The following RBFOX1 variants were observed in gnomAD, a reference collection of about 807,000 sequenced individuals.
RBFOX1 encodes RNA binding fox-1 homolog 1, also known as RNA binding protein fox-1 homolog 1.
Under a neutral mutation model 57.7 loss-of-function variants are expected in RBFOX1, and 8 were observed. The ratio of observed to expected loss-of-function variants is 0.14; its 90% confidence interval spans 0.08 to 0.25. The LOEUF (loss-of-function observed/expected upper bound fraction) is 0.25, where lower values mean the gene tolerates loss of function less well. RBFOX1 is among the 10% of genes least tolerant of loss of function. The pLI is 1.00. For missense variants in RBFOX1, 611 were observed against 548.5 expected, an observed-to-expected ratio of 1.11 and a Z score of -1.14; for synonymous variants, 326 against 222.4, an observed-to-expected ratio of 1.47 and a Z score of -4.15.
chr16:7,291,120 G>C (rs2095763023), intron 4 of RBFOX1, among the ~76,000 whole-genome samples: 1 of 152,168 alleles, frequency 6.6e-6, no homozygotes, highest in African/African-American at 2.4e-5. Context: ...ATAGCCCTAG[G>C]TTCAAGGTGA....
chr16:6,375,239 C>T (rs1453568263), intron 2 of RBFOX1, among the ~76,000 whole-genome samples: 1 of 152,008 alleles, frequency 6.6e-6, no homozygotes, highest in Non-Finnish European at 1.5e-5. Context: ...GGGAATTCTC[C>T]ATGTCATTCT....
At chr16:6,477,972 C>A (rs184226289) in intron 2 of RBFOX1, among the ~76,000 whole-genome samples, 9 of 152,128 alleles carry the variant, frequency 5.9e-5, no homozygotes, top group Admixed American at 3.3e-4. Flanking sequence ...GTCAGTTTTC[C>A]CACCTCTCTC....
intron 3 of RBFOX1, among the ~76,000 whole-genome samples, chr16:5,855,171 T>C (rs2056994029): frequency 6.6e-6 from 1 of 152,230 alleles, no homozygotes; most frequent in South Asian, 2.1e-4. Context: ...TCCCACTCCG[T>C]AGGTTGCTAT....
intron 2 of RBFOX1, among the ~76,000 whole-genome samples, chr16:6,424,274 C>A (rs558705084): frequency 3.0e-4 from 45 of 152,224 alleles, no homozygotes; most frequent in African/African-American, 1.1e-3. Context: ...CAAACAACAA[C>A]AACAACAGAA....
At chr16:5,739,648 C>A (rs58188995) in intron 3 of RBFOX1, among the ~76,000 whole-genome samples, 24,460 of 152,192 alleles carry the variant, frequency 0.16, 2,227 homozygotes, top group African/African-American at 0.24. Context: ...AAAAAACTTA[C>A]GCTTTGGCAT....
intron 4 of RBFOX1, among the ~76,000 whole-genome samples, chr16:7,505,337 A>C (rs1440828818): frequency 6.6e-6 from 1 of 152,024 alleles, no homozygotes; most frequent in East Asian, 1.9e-4. Context: ...ATATAATGTC[A>C]TACTTTGACA....
chr16:7,562,840 G>C (rs758493683), intron 5 of RBFOX1, among the ~76,000 whole-genome samples: 5 of 152,196 alleles, frequency 3.3e-5, no homozygotes, highest in Non-Finnish European at 5.9e-5. Context: ...GCCCACTGTA[G>C]GTATACTGGA....
intron 4 of RBFOX1, among the ~76,000 whole-genome samples, chr16:7,263,681 A>C (rs2095015527): frequency 6.6e-6 from 1 of 152,070 alleles, no homozygotes; most frequent in African/African-American, 2.4e-5. Context: ...GGATTACATG[A>C]GGTCAGGAGT....
At position 6,375,297 on chromosome 16, in the gene RBFOX1, C is replaced by A. The variant is rs373010398; in HGVS notation, c.-64+58240C>A. 9.6e-3 allele frequency among the ~76,000 whole-genome samples: 1,320 copies of A among 137,336 alleles called. 16 individuals carry two copies. Among genetic ancestry groups the A allele is most frequent in the African/African-American group, 0.045 (1,249 of 27,950 alleles). The allele number at this position is 137,336 out of a possible 152,430, so 90.1% of individuals were successfully genotyped here. ...GTTTTGCCAGAGTGGGGAAAAAAAA[C>A]AAAAACAAAAACAAAAACCACCTTC... On this transcript the variant is annotated intron_variant, in intron 2 of 15. Coordinates refer to ENST00000550418, the MANE Select transcript of RBFOX1 (RefSeq NM_018723.4).
chr16:5,480,182 G>C (rs1293335117), intron 2 of RBFOX1, among the ~76,000 whole-genome samples: 1 of 152,158 alleles, frequency 6.6e-6, no homozygotes, highest in Non-Finnish European at 1.5e-5. Context: ...ATCCGGAGAT[G>C]CATAAAAGAA....
intron 3 of RBFOX1, among the ~76,000 whole-genome samples, chr16:7,028,854 A>G (rs1597418817): frequency 6.6e-6 from 1 of 150,930 alleles, no homozygotes; most frequent in Admixed American, 6.6e-5. Context: ...AGGTGTGGGC[A>G]TCGCTTGGAT....
chr16:7,090,148 C>G (rs992693551), intron 4 of RBFOX1, among the ~76,000 whole-genome samples: 1 of 151,994 alleles, frequency 6.6e-6, no homozygotes, highest in Non-Finnish European at 1.5e-5. Context: ...GAAAATGAGC[C>G]TCAGCTACAT....
chr16:5,498,826 A>G (rs565483168), intron 2 of RBFOX1, among the ~76,000 whole-genome samples: 20 of 152,234 alleles, frequency 1.3e-4, no homozygotes, highest in African/African-American at 4.1e-4. Context: ...CTCCCCTCCT[A>G]TTATCATCCA....
chr16:6,483,498 C>T (rs1375533636), intron 2 of RBFOX1: 3 of 1,535,430 alleles, frequency 2.0e-6, no homozygotes, highest in East Asian at 2.4e-5. Flanking sequence ...TTGCAGCCGA[C>T]AATGAAATCT....
intron 4 of RBFOX1, among the ~76,000 whole-genome samples, chr16:7,443,090 A>G (rs2098781756): frequency 1.3e-5 from 2 of 152,190 alleles, no homozygotes; most frequent in African/African-American, 2.4e-5. Flanking sequence ...GTTGCACGAG[A>G]ACACTCTTAC....
At chr16:5,363,274 G>C (rs2151345770) in intron 1 of RBFOX1, among the ~76,000 whole-genome samples, 1 of 151,474 alleles carries the variant, frequency 6.6e-6, no homozygotes, top group Non-Finnish European at 1.5e-5. Context: ...TGAACTCCTG[G>C]CCTCATGTGA....
At chr16:5,992,674 C>G (rs762757403) in intron 4 of RBFOX1, among the ~76,000 whole-genome samples, 5 of 152,206 alleles carry the variant, frequency 3.3e-5, no homozygotes, top group East Asian at 1.9e-4. Context: ...TGGCTCACAT[C>G]TGTAATCCCA....
chr16:5,561,052 G>A (rs1287398768), intron 2 of RBFOX1, among the ~76,000 whole-genome samples: 2 of 152,084 alleles, frequency 1.3e-5, no homozygotes, highest in Non-Finnish European at 2.9e-5. Context: ...TGCAACTTTG[G>A]GTTTTATCAA....
chr16:6,240,914 C>G (rs887947331), intron 1 of RBFOX1, among the ~76,000 whole-genome samples: 1 of 152,214 alleles, frequency 6.6e-6, no homozygotes, highest in African/African-American at 2.4e-5. Flanking sequence ...TCCCTGTTCA[C>G]TGTACTCTGT....
Sources: gnomAD v4.1 joint callset for allele counts (sites outside exome capture counted in the v4.1 genomes callset) on GRCh38, gnomAD v4.1.1 for gene constraint, MANE v1.5 for transcripts, NCBI Gene and HGNC (gene_info 2026-07-23, HGNC 2026-07-21) for gene names.